PRH1: variants seen among roughly 807,000 people sequenced by gnomAD.
The protein encoded by PRH1 is salivary acidic proline-rich phosphoprotein 1/2.
A neutral mutation model predicts 7.9 loss-of-function variants in PRH1; 7 were observed. The observed-to-expected ratio is 0.89, with a 90% CI of 0.50 to 1.67. The LOEUF (loss-of-function observed/expected upper bound fraction) is 1.67, where lower values mean the gene tolerates loss of function less well. PRH1 is among the 40% of genes most tolerant of loss of function. The pLI, the probability that PRH1 is intolerant of heterozygous loss-of-function variation, is 0.00. For missense variants in PRH1, 109 were observed against 223.6 expected, an observed-to-expected ratio of 0.49 and a Z score of 3.27; for synonymous variants, 45 against 80.8, an observed-to-expected ratio of 0.56 and a Z score of 2.38.
intron 1 of PRH1, among the ~76,000 whole-genome samples, chr12:11,008,773 T>C (rs901678397): frequency 3.3e-5 from 5 of 151,212 alleles, no homozygotes; most frequent in Admixed American, 2.7e-4. Flanking sequence ...CTATCCTTAG[T>C]TGATATATAC....
intron 1 of PRH1, among the ~76,000 whole-genome samples, chr12:11,110,860 A>G (rs772812258): frequency 1.6e-4 from 25 of 152,222 alleles, no homozygotes; most frequent in Admixed American, 5.2e-4. Flanking sequence ...ACAGACCAGC[A>G]AATTGAATAG....
At chr12:11,163,952 G>A (rs1947492301) in intron 1 of PRH1, among the ~76,000 whole-genome samples, 1 of 152,136 alleles carries the variant, frequency 6.6e-6, no homozygotes, top group Non-Finnish European at 1.5e-5. Flanking sequence ...TTCTTGGGCA[G>A]CAATCTAGAC....
At chr12:11,156,234 T>C (rs2136440727) in intron 1 of PRH1, among the ~76,000 whole-genome samples, 1 of 152,326 alleles carries the variant, frequency 6.6e-6, no homozygotes, top group East Asian at 1.9e-4. Context: ...AAATCAGTTG[T>C]CATTCAAACA....
chr12:11,114,752 A>G (rs1945684259), intron 1 of PRH1, among the ~76,000 whole-genome samples: 1 of 152,190 alleles, frequency 6.6e-6, no homozygotes, highest in African/African-American at 2.4e-5. Flanking sequence ...GATGGAGTTA[A>G]GGTGCAGAGT....
At chr12:11,027,749 C>A (rs905942404) in intron 1 of PRH1, among the ~76,000 whole-genome samples, 1 of 152,142 alleles carries the variant, frequency 6.6e-6, no homozygotes, top group Non-Finnish European at 1.5e-5. Flanking sequence ...ACATAGTGGT[C>A]ATTATAGGAC....
At chr12:10,961,542 T>C (rs1030593629) in intron 2 of PRH1, among the ~76,000 whole-genome samples, 3 of 143,916 alleles carry the variant, frequency 2.1e-5, no homozygotes, top group African/African-American at 8.9e-5. Flanking sequence ...GTAGACAGTA[T>C]TGGACTTAAA....
In PRH1 at chr12:11,083,542, A is replaced by AAAG. The variant is rs1555160825; in HGVS notation, n.124-36355_124-36354insCTT. ...TTATTGTGAAACATAACATACATAT[A>AAAG]TATATAAAGTAATAAGGTCTAAATG... On this transcript the variant is annotated intron_variant and non_coding_transcript_variant, in intron 1 of 4. Transcript: ENST00000541977. 2.0e-5 allele frequency among the ~76,000 whole-genome samples: 3 copies of AAAG among 150,902 alleles called. No homozygotes were observed. In the East Asian group the frequency reaches 5.8e-4, roughly 29 times the overall value.
intron 1 of PRH1, among the ~76,000 whole-genome samples, chr12:10,989,304 C>G (rs1275166478): frequency 1.3e-5 from 2 of 152,118 alleles, no homozygotes; most frequent in Admixed American, 1.3e-4. Flanking sequence ...TTTCACTTCT[C>G]TATATTATTC....
intron 1 of PRH1, among the ~76,000 whole-genome samples, chr12:11,086,305 C>A (rs796632788): frequency 0.45 from 46,978 of 104,992 alleles, 6,977 homozygotes; most frequent in Non-Finnish European, 0.54. Flanking sequence ...AAATATTCAG[C>A]AATTTTATAA....
At chr12:10,928,558 A>T (rs932143680) in intron 2 of PRH1, among the ~76,000 whole-genome samples, 3 of 152,266 alleles carry the variant, frequency 2.0e-5, no homozygotes, top group South Asian at 2.1e-4. Flanking sequence ...TAAAATACAA[A>T]TTTTTTAGCT....
intron 2 of PRH1, among the ~76,000 whole-genome samples, chr12:10,921,222 T>G (rs529526700): frequency 1.3e-5 from 2 of 152,176 alleles, no homozygotes; most frequent in Admixed American, 6.5e-5. Context: ...AACATTTAGG[T>G]TCACTGAAGT....
At chr12:10,984,009 A>G (rs1939485869) in intron 1 of PRH1, among the ~76,000 whole-genome samples, 1 of 152,138 alleles carries the variant, frequency 6.6e-6, no homozygotes, top group Non-Finnish European at 1.5e-5. Flanking sequence ...TAATATGGCA[A>G]TTTAAATGTT....
chr12:10,986,251 T>C (rs1219888770), intron 1 of PRH1: 4 of 1,614,134 alleles, frequency 2.5e-6, no homozygotes, highest in Non-Finnish European at 3.4e-6. Flanking sequence ...TTGAGATGTT[T>C]ACACAGAGAA....
chr12:11,071,290 T>C (rs1944055366), intron 1 of PRH1, among the ~76,000 whole-genome samples: 1 of 151,782 alleles, frequency 6.6e-6, no homozygotes, highest in Admixed American at 6.6e-5. Context: ...GCATACCTAC[T>C]TGGCCACTTT....
At position 11,087,784 on chromosome 12, in the gene PRH1, C is replaced by T. The variant is rs1415844607; in HGVS notation, n.124-40596G>A. 2.7e-5 allele frequency among the ~76,000 whole-genome samples: 3 copies of T among 112,824 alleles called. 1 individual carries two copies. 74.0% of individuals were successfully genotyped at this position (112,824 alleles called of 152,430 possible). On this transcript the variant is annotated intron_variant and non_coding_transcript_variant, in intron 1 of 4. Coordinates refer to the PRH1 transcript ENST00000541977. Reference sequence around the variant, plus strand: ...AGATGGATTACAGAATCAATGCAGACTACCATGAACTTAAATAAACACTCA... The same window carrying T: ...AGATGGATTACAGAATCAATGCAGATTACCATGAACTTAAATAAACACTCA...
At chr12:10,965,383 A>G in intron 2 of PRH1, 2 of 922,992 alleles carry the variant, frequency 2.2e-6, no homozygotes, top group Non-Finnish European at 3.1e-6. Context: ...AGAATAAATG[A>G]AGGCCTAACA....
chr12:10,914,146 A>G (rs1453883837), intron 2 of PRH1, among the ~76,000 whole-genome samples: 3 of 152,194 alleles, frequency 2.0e-5, no homozygotes, highest in Admixed American at 1.3e-4. Flanking sequence ...GATAGCAGTC[A>G]CCTGTGGTTA....
intron 1 of PRH1, among the ~76,000 whole-genome samples, chr12:11,054,455 C>G (rs555847544): frequency 2.0e-4 from 30 of 149,908 alleles, no homozygotes; most frequent in Non-Finnish European, 4.0e-4. Flanking sequence ...GATTTTATTA[C>G]AGCAGTCAAA....
chr12:11,011,463 G>A (rs1941066575), intron 1 of PRH1, among the ~76,000 whole-genome samples: 1 of 152,014 alleles, frequency 6.6e-6, no homozygotes. Flanking sequence ...TGAAGTGAAA[G>A]GTGAATTCTC....
Sources: gnomAD v4.1 joint callset for allele counts (sites outside exome capture counted in the v4.1 genomes callset) on GRCh38, gnomAD v4.1.1 for gene constraint, MANE v1.5 for transcripts, NCBI Gene and HGNC (gene_info 2026-07-23, HGNC 2026-07-21) for gene names.